Variants in SLX4IP observed in about 807,000 individuals in gnomAD.
The protein encoded by SLX4IP is protein SLX4IP.
SLX4IP carries 34 observed loss-of-function variants against 32.9 expected under a neutral mutation model. The ratio of observed to expected loss-of-function variants is 1.03; its 90% confidence interval spans 0.79 to 1.38. SLX4IP has a LOEUF of 1.38. SLX4IP is among the 40% of genes most tolerant of loss of function. The probability of loss-of-function intolerance (pLI) is 0.00; values close to 1 mark genes in which losing one functional copy is unlikely to be tolerated. For missense variants in SLX4IP, 444 were observed against 479.0 expected (o/e 0.93, Z 0.68); for synonymous variants, 172 against 171.7 (o/e 1.00, Z -0.01).
intron 4 of SLX4IP, among the ~76,000 whole-genome samples, chr20:10,577,977 A>G (rs1031813632): frequency 1.3e-5 from 2 of 152,240 alleles, no homozygotes; most frequent in African/African-American, 4.8e-5. Flanking sequence ...GGAAAGCCTC[A>G]TTCTTCCTAA....
intron 2 of SLX4IP, among the ~76,000 whole-genome samples, chr20:10,496,403 T>G (rs1390895468): frequency 6.6e-6 from 1 of 152,174 alleles, no homozygotes; most frequent in African/African-American, 2.4e-5. Context: ...ATAATTCTTT[T>G]TACTACTAAA....
At chr20:10,444,058 A>G (rs1259184367) in intron 1 of SLX4IP, among the ~76,000 whole-genome samples, 1 of 152,178 alleles carries the variant, frequency 6.6e-6, no homozygotes, top group Non-Finnish European at 1.5e-5. Context: ...GACTAATACA[A>G]GCATTGACAA....
At chr20:10,620,817 A>G (rs1024366434) in intron 6 of SLX4IP, among the ~76,000 whole-genome samples, 2 of 152,174 alleles carry the variant, frequency 1.3e-5, no homozygotes, top group Non-Finnish European at 2.9e-5. Flanking sequence ...GGCCTCCCAA[A>G]GTGCTGGGAT....
At position 10,623,497 on chromosome 20, in the gene SLX4IP, A is replaced by G. The variant is rs575209495; in HGVS notation, c.*118A>G. On this transcript the variant is annotated 3_prime_UTR_variant, in exon 8 of 8. Transcript: ENST00000334534. Reference sequence around the variant, plus strand: ...ATTAATTAGAATGACTAATTTAAATAGGAAGTGTGTTATCTGTGTTATGGC... The same window carrying G: ...ATTAATTAGAATGACTAATTTAAATGGGAAGTGTGTTATCTGTGTTATGGC... 5 of 1,390,638 alleles carry G rather than the reference A, an allele frequency of 3.6e-6. No individual in the cohort carries two copies. The South Asian group carries it at 5.9e-5, about 17-fold the overall frequency. 86.1% of individuals were successfully genotyped at this position (1,390,638 alleles called of 1,614,324 possible).
chr20:10,500,629 G>C (rs543590539), intron 2 of SLX4IP, among the ~76,000 whole-genome samples: 28 of 152,270 alleles, frequency 1.8e-4, no homozygotes, highest in South Asian at 1.2e-3. Context: ...GTGCACACCT[G>C]TAGTCCCAGC....
At chr20:10,527,838 A>G (rs1180699722) in intron 2 of SLX4IP, among the ~76,000 whole-genome samples, 1 of 152,206 alleles carries the variant, frequency 6.6e-6, no homozygotes, top group East Asian at 1.9e-4. Flanking sequence ...AAAAAGATTG[A>G]CGCACATTTA....
intron 2 of SLX4IP, among the ~76,000 whole-genome samples, chr20:10,470,823 C>T (rs919381143): frequency 7.9e-5 from 12 of 152,116 alleles, no homozygotes; most frequent in African/African-American, 2.4e-4. Context: ...TCATTTTACT[C>T]TAGGTTCTTT....
intron 6 of SLX4IP, among the ~76,000 whole-genome samples, chr20:10,604,598 C>T (rs1251722378): frequency 2.0e-5 from 3 of 152,238 alleles, no homozygotes; most frequent in African/African-American, 7.2e-5. Flanking sequence ...AATCCCCCTC[C>T]TTTACGGAGC....
At chr20:10,473,878 G>A (rs2065449694) in intron 2 of SLX4IP, among the ~76,000 whole-genome samples, 1 of 149,860 alleles carries the variant, frequency 6.7e-6, no homozygotes, top group South Asian at 2.1e-4. Context: ...GCTAGAGTGT[G>A]GTGGCGTGAT....
chr20:10,519,611 C>A (rs921893477), intron 2 of SLX4IP, among the ~76,000 whole-genome samples: 2 of 152,154 alleles, frequency 1.3e-5, no homozygotes, highest in Non-Finnish European at 2.9e-5. Flanking sequence ...TTTGCTTATC[C>A]ATTTATCAGT....
intron 6 of SLX4IP, among the ~76,000 whole-genome samples, chr20:10,615,232 G>A (rs1422362216): frequency 6.6e-6 from 1 of 152,064 alleles, no homozygotes. Flanking sequence ...TTGGATCCCA[G>A]CACTTCACCA....
intron 2 of SLX4IP, among the ~76,000 whole-genome samples, chr20:10,531,171 C>T (rs2065985890): frequency 6.6e-6 from 1 of 152,210 alleles, no homozygotes; most frequent in Non-Finnish European, 1.5e-5. Context: ...TCTCCCCACC[C>T]ATCTCAGCTG....
At chr20:10,470,482 G>A (rs865900527) in intron 2 of SLX4IP, among the ~76,000 whole-genome samples, 31 of 152,282 alleles carry the variant, frequency 2.0e-4, no homozygotes, top group Non-Finnish European at 1.3e-4. Flanking sequence ...AGGAAGCTAG[G>A]CCTCTATATG....
intron 4 of SLX4IP, among the ~76,000 whole-genome samples, chr20:10,564,913 G>A (rs2066373278): frequency 6.6e-6 from 1 of 152,138 alleles, no homozygotes; most frequent in African/African-American, 2.4e-5. Flanking sequence ...TTGCCAGACT[G>A]ACAGTCCAAA....
intron 4 of SLX4IP, among the ~76,000 whole-genome samples, chr20:10,580,499 C>CTTTT (rs71186104): frequency 0.014 from 1,891 of 134,816 alleles, 29 homozygotes; most frequent in Non-Finnish European, 0.022. Context: ...TAGACTTACC[C>CTTTT]TTTTTTTTTT....
intron 3 of SLX4IP, among the ~76,000 whole-genome samples, chr20:10,559,006 C>T (rs144654797): frequency 6.6e-6 from 1 of 152,272 alleles, no homozygotes; most frequent in East Asian, 1.9e-4. Flanking sequence ...TTAGTTTTAG[C>T]CTTATAGGGC....
At chr20:10,520,271 T>G (rs1477097328) in intron 2 of SLX4IP, among the ~76,000 whole-genome samples, 2 of 152,186 alleles carry the variant, frequency 1.3e-5, no homozygotes, top group South Asian at 2.1e-4. Context: ...AGGATGGTCT[T>G]GATCTCCTGA....
Position 10,595,868 on chromosome 20 carries a change from A to G in SLX4IP, c.239-2807A>G, listed in dbSNP as rs572108635. Among the ~76,000 whole-genome samples, 5 of 152,322 alleles carry G rather than the reference A, an allele frequency of 3.3e-5. No homozygotes were observed. In the South Asian group the frequency reaches 6.2e-4, roughly 19 times the overall value. On this transcript the variant is annotated intron_variant, in intron 4 of 7. Transcript: ENST00000334534. ...TTAAGCAGGTGCAAATCTTTTTTAC[A>G]TGTTAAACTTGCTATTTCTCTTGTA...
rs1295330352 is a variant in SLX4IP, at chr20:10,531,018, A to G, written c.28-25213A>G. ...GATTTATTCCTGTGCTAACTAGGTT[A>G]TATCATATCTCCCAGTTTAGACTGC... is the stretch of plus-strand genomic sequence containing the variant. On this transcript the variant is annotated intron_variant, in intron 2 of 7. Transcript: ENST00000334534. 2.6e-5 allele frequency among the ~76,000 whole-genome samples: 4 copies of G among 152,336 alleles called. No homozygotes were observed. The East Asian group carries it at 5.8e-4, about 22-fold the overall frequency.
Sources: allele counts gnomAD v4.1 joint callset (sites outside exome capture counted in the v4.1 genomes callset), GRCh38; gene constraint gnomAD v4.1.1; transcripts MANE v1.5; gene names NCBI Gene and HGNC (gene_info 2026-07-23, HGNC 2026-07-21).